Variants in PPP2R2C observed in about 807,000 individuals in gnomAD.
The protein encoded by PPP2R2C is protein phosphatase 2 regulatory subunit Bgamma.
A neutral mutation model predicts 45.3 loss-of-function variants in PPP2R2C; 10 were observed. The observed-to-expected ratio is 0.22, with a 90% CI of 0.14 to 0.37. The LOEUF is 0.37. Among genes scored for constraint, PPP2R2C ranks in the 10% least tolerant of loss-of-function variants. The pLI, the probability that PPP2R2C is intolerant of heterozygous loss-of-function variation, is 1.00. For synonymous variants in PPP2R2C, 257 were observed against 245.4 expected (o/e 1.05, Z -0.44); for missense variants, 308 against 619.7 (o/e 0.50, Z 5.34).
chr4:6,420,122 T>C (rs950780494), intron 1 of PPP2R2C, among the ~76,000 whole-genome samples: 1 of 152,090 alleles, frequency 6.6e-6, no homozygotes, highest in Non-Finnish European at 1.5e-5. Context: ...TGCGTGTGTG[T>C]GCATATGTGT....
In PPP2R2C at chr4:6,364,193, G is replaced by C. The variant is rs917603433; in HGVS notation, c.625+8330C>G. On this transcript the variant is annotated intron_variant, in intron 5 of 8. Coordinates refer to ENST00000382599, the MANE Select transcript of PPP2R2C (RefSeq NM_020416.4). This position sits in a 1 kb window ranked among gnomAD's most constrained non-coding sequence, Gnocchi z 5.3. Reference sequence around the variant, plus strand: ...AGTTCCGACAGACTGGTCAAGGAAGGCCTCTTTAAGAAGGTGTCCACTGAG... The same window carrying C: ...AGTTCCGACAGACTGGTCAAGGAAGCCCTCTTTAAGAAGGTGTCCACTGAG... Among the ~76,000 whole-genome samples the C allele has an allele frequency of 1.4e-4, 21 of 152,204 alleles. No homozygotes were observed. The highest frequency in any genetic ancestry group is 2.2e-4 in the Non-Finnish European group (15 of 68,044).
intron 2 of PPP2R2C, among the ~76,000 whole-genome samples, chr4:6,534,442 CAACA>C (rs772570236): frequency 7.3e-5 from 11 of 150,626 alleles, no homozygotes; most frequent in Non-Finnish European, 1.2e-4. Context: ...ATACACATAT[CAACA>C]AACACACACC....
chr4:6,418,617 T>C (rs907196241), intron 1 of PPP2R2C, among the ~76,000 whole-genome samples: 1 of 152,248 alleles, frequency 6.6e-6, no homozygotes, highest in African/African-American at 2.4e-5. Context: ...TAGGCTGAGC[T>C]GCTCTTCCCA....
chr4:6,417,436 C>T (rs1331552993), intron 1 of PPP2R2C, among the ~76,000 whole-genome samples: 10 of 152,220 alleles, frequency 6.6e-5, no homozygotes, highest in Admixed American at 5.9e-4. Context: ...TCTGGGGGTA[C>T]TGCCTCCCTC....
intron 2 of PPP2R2C, among the ~76,000 whole-genome samples, chr4:6,500,569 G>A (rs1467312530): frequency 1.3e-5 from 2 of 152,224 alleles, no homozygotes; most frequent in South Asian, 2.1e-4. Flanking sequence ...GCCCATCACA[G>A]GGGACCCCCA....
chr4:6,324,387 C>T lies in PPP2R2C; in HGVS notation c.1053-794G>A, dbSNP rs1261589109. On this transcript the variant is annotated intron_variant, in intron 8 of 8. Coordinates refer to ENST00000382599, the MANE Select transcript of PPP2R2C (RefSeq NM_020416.4). The surrounding 1 kb of genome is among the most constrained non-coding windows in gnomAD (Gnocchi z 4.1). The stretch of plus-strand genomic sequence containing the variant: ...GCAAGGTTGTAGTGAGCCAAGATCG[C>T]GCCACTGCACTCCAGCCTGGGCAAT... Among the ~76,000 whole-genome samples, 3 of 152,002 alleles carry T rather than the reference C, an allele frequency of 2.0e-5. No individual in the cohort carries two copies. The highest frequency in any genetic ancestry group is 3.9e-4 in the East Asian group (2 of 5,174).
At position 6,368,976 on chromosome 4, in the gene PPP2R2C, C is replaced by T. The variant is rs563271504; in HGVS notation, c.625+3547G>A. Among the ~76,000 whole-genome samples the T allele has an allele frequency of 3.6e-4, 55 of 152,252 alleles. No individual in the cohort carries two copies. Among genetic ancestry groups the T allele is most frequent in the Non-Finnish European group, 7.8e-4 (53 of 68,024 alleles). On this transcript the variant is annotated intron_variant, in intron 5 of 8. Coordinates refer to ENST00000382599, the MANE Select transcript of PPP2R2C (RefSeq NM_020416.4). The surrounding 1 kb of genome is among the most constrained non-coding windows in gnomAD (Gnocchi z 4.2). ...TCCAGTAATGTAATATAGATGCAGA[C>T]GGGGAGACAGGATTCAATCCTTCTG...
chr4:6,422,573 G>A (rs1378932439), intron 1 of PPP2R2C, among the ~76,000 whole-genome samples: 1 of 152,186 alleles, frequency 6.6e-6, no homozygotes, highest in Non-Finnish European at 1.5e-5. Flanking sequence ...CAAGATCAAG[G>A]TGTCAGCAGG....
chr4:6,347,424 T>C (rs1373862175), intron 6 of PPP2R2C, among the ~76,000 whole-genome samples: 1 of 152,044 alleles, frequency 6.6e-6, no homozygotes, highest in African/African-American at 2.4e-5. Flanking sequence ...CCGGAGAAGA[T>C]GGGCAGCCCA....
intron 2 of PPP2R2C, among the ~76,000 whole-genome samples, chr4:6,491,651 G>A (rs1722702853): frequency 6.6e-6 from 1 of 152,224 alleles, no homozygotes; most frequent in Non-Finnish European, 1.5e-5. Context: ...GGAGGGGCCT[G>A]GTGGGAAGTG....
rs145521227 is a variant in PPP2R2C at position 6,372,542 on chromosome 4, G to A, written c.606C>T (p.Ala202=). Residue 202 remains alanine (A), a synonymous_variant, in exon 5 of 9, where the codon GCC becomes GCT. Coordinates refer to ENST00000382599, the MANE Select transcript of PPP2R2C (RefSeq NM_020416.4). Reference sequence around the variant, plus strand: ...GGATACTGAAGCTCCTGTCGGTGATGGCCAGGTGCCAGAGGTTGATGCGCA... The same window carrying A: ...GGATACTGAAGCTCCTGTCGGTGATAGCCAGGTGCCAGAGGTTGATGCGCA... ...DDLRINLWHL[A]ITDRSFNIVD... is the part of the protein sequence containing the mutation. The A allele has an allele frequency of 5.1e-5, 83 of 1,614,184 alleles. No homozygotes were observed. The African/African-American group carries it at 1.1e-3, about 20-fold the overall frequency.
intron 1 of PPP2R2C, among the ~76,000 whole-genome samples, chr4:6,463,016 A>T (rs2108759737): frequency 6.6e-6 from 1 of 152,330 alleles, no homozygotes; most frequent in Non-Finnish European, 1.5e-5. Context: ...GGAGGGGGGA[A>T]GGTGCACTCC....
At chr4:6,350,654 A>G in intron 5 of PPP2R2C, 1 of 896,800 alleles carries the variant, frequency 1.1e-6, no homozygotes, top group Non-Finnish European at 1.3e-6. Context: ...TTCTCTGAAC[A>G]TTCCAGGTTC....
intron 2 of PPP2R2C, among the ~76,000 whole-genome samples, chr4:6,515,824 G>A (rs1723812270): frequency 6.6e-6 from 1 of 152,200 alleles, no homozygotes; most frequent in South Asian, 2.1e-4. Context: ...AGATCGAGGT[G>A]TCCGGCAGAG....
At chr4:6,420,771 T>C (rs546405828) in intron 1 of PPP2R2C, among the ~76,000 whole-genome samples, 3 of 152,032 alleles carry the variant, frequency 2.0e-5, no homozygotes, top group East Asian at 1.9e-4. Context: ...AGCCATAGAG[T>C]TGGAAACCAG....
At chr4:6,427,315 G>A (rs997320888) in intron 1 of PPP2R2C, among the ~76,000 whole-genome samples, 4 of 152,244 alleles carry the variant, frequency 2.6e-5, no homozygotes, top group East Asian at 1.9e-4. Flanking sequence ...AAACGAGGAC[G>A]TGGGAAATCC....
At chr4:6,508,301 T>G (rs1012152211) in intron 2 of PPP2R2C, among the ~76,000 whole-genome samples, 2 of 152,136 alleles carry the variant, frequency 1.3e-5, no homozygotes, top group Non-Finnish European at 2.9e-5. Flanking sequence ...CAGCTGAAGC[T>G]GGGGGCCAGG....
At chr4:6,502,376 A>T (rs1723087889) in intron 2 of PPP2R2C, among the ~76,000 whole-genome samples, 1 of 152,068 alleles carries the variant, frequency 6.6e-6, no homozygotes, top group African/African-American at 2.4e-5. Context: ...AGCTGTGTGG[A>T]CTGAACAAGC....
chr4:6,489,925 T>C (rs62286084), intron 2 of PPP2R2C, among the ~76,000 whole-genome samples: 19,651 of 152,076 alleles, frequency 0.13, 1,464 homozygotes, highest in Non-Finnish European at 0.17. Context: ...TCAAGAAAAA[T>C]AAATGGGCAT....
Sources: gnomAD v4.1 joint callset for allele counts (sites outside exome capture counted in the v4.1 genomes callset) on GRCh38, gnomAD v4.1.1 for gene constraint, Gnocchi (gnomAD v3.1) non-coding constraint, MANE v1.5 for transcripts, NCBI Gene and HGNC (gene_info 2026-07-23, HGNC 2026-07-21) for gene names.